GCNA: variants seen among roughly 807,000 people sequenced by gnomAD.
GCNA encodes the protein germ cell nuclear acidic peptidase, also known as germ cell nuclear acidic protein.
A neutral mutation model predicts 38.8 loss-of-function variants in GCNA; 3 were observed. The observed-to-expected ratio is 0.08, with a 90% CI of 0.04 to 0.20. GCNA has a LOEUF of 0.20. Among genes scored for constraint, GCNA ranks in the 10% least tolerant of loss-of-function variants. GCNA has a pLI of 1.00. For synonymous variants in GCNA, 195 were observed against 240.2 expected, an observed-to-expected ratio of 0.81 and a Z score of 1.74; for missense variants, 446 against 578.6, an observed-to-expected ratio of 0.77 and a Z score of 2.35.
chrX:71,612,452 T>C lies in GCNA; in HGVS notation c.1848T>C (p.Tyr616=). The C allele has an allele frequency of 8.3e-7, 1 of 1,209,364 alleles. No individual in the cohort carries two copies. Among genetic ancestry groups the C allele is most frequent in the Non-Finnish European group, 1.1e-6 (1 of 894,351 alleles). The part of the protein sequence containing the change: ...HDSHGDAWKY[Y]ARKSNRIHPE... ...CTCATGGTGACGCATGGAAGTATTA[T>C]GCCAGGAAATCCAACAGGATACACC... is the stretch of plus-strand genomic sequence containing the variant. The change falls in exon 12 of 13, where the codon TAT becomes TAC. Residue 616 remains tyrosine (Y), a synonymous_variant. Transcript: ENST00000373696.
intron 7 of GCNA, among the ~76,000 whole-genome samples, chrX:71,600,823 C>T (rs1210432210): frequency 2.7e-5 from 3 of 112,046 alleles, no homozygotes; most frequent in Non-Finnish European, 5.6e-5. Context: ...CTTTGTGTTA[C>T]AAGCAATCCA....
intron 1 of GCNA, among the ~76,000 whole-genome samples, chrX:71,578,972 C>T (rs1234536629): frequency 3.7e-3 from 102 of 27,864 alleles, no homozygotes; most frequent in Non-Finnish European, 5.1e-3. Flanking sequence ...GTGGCAGTGT[C>T]GGGGAAGTGG....
chrX:71,611,720 T>C (rs1011132234), intron 11 of GCNA, among the ~76,000 whole-genome samples: 1 of 111,216 alleles, frequency 9.0e-6, no homozygotes, highest in African/African-American at 3.3e-5. Context: ...TCCATCTCTG[T>C]TCCTGGAGGG....
At chrX:71,585,271 G>C (rs943156318) in intron 2 of GCNA, among the ~76,000 whole-genome samples, 1 of 109,479 alleles carries the variant, frequency 9.1e-6, no homozygotes, top group African/African-American at 3.3e-5. Context: ...TTGAGATCGC[G>C]CCATTGCACT....
intron 2 of GCNA, among the ~76,000 whole-genome samples, chrX:71,584,863 A>G (rs1016851252): frequency 9.0e-6 from 1 of 111,010 alleles, no homozygotes; most frequent in African/African-American, 3.3e-5. Context: ...GTGAGACTCC[A>G]TATCAAAATA....
At chrX:71,607,942 G>C (rs1311303356) in intron 9 of GCNA, among the ~76,000 whole-genome samples, 2 of 112,576 alleles carry the variant, frequency 1.8e-5, no homozygotes, top group Admixed American at 9.4e-5. Flanking sequence ...ACTTTGGCTA[G>C]AGTGTCAGTG....
chrX:71,610,955 C>T, intron 11 of GCNA, 136 bp downstream of exon 11: 1 of 859,458 alleles, frequency 1.2e-6, no homozygotes, highest in Non-Finnish European at 1.6e-6. Context: ...CTGTGTGTTG[C>T]TTAGAGGACA....
intron 9 of GCNA, among the ~76,000 whole-genome samples, chrX:71,608,426 T>C (rs766297198): frequency 2.0e-4 from 22 of 110,874 alleles, no homozygotes; most frequent in Admixed American, 4.8e-4. Flanking sequence ...GCGCCCACCA[T>C]CACGCCCAGC....
chrX:71,606,975 C>T lies in GCNA; in HGVS notation c.1466+1246C>T, dbSNP rs763352750. ...AGCACTTCCTGTGTCAGTCTGGAGG[C>T]TTCCTGTTATGCTTAGCATTGTTCC... On this transcript the variant is annotated intron_variant, in intron 9 of 12. Coordinates refer to ENST00000373696, the MANE Select transcript of GCNA (RefSeq NM_052957.5). Among the ~76,000 whole-genome samples the T allele has an allele frequency of 2.7e-5, 3 of 111,953 alleles. No individual in the cohort carries two copies. In the East Asian group the frequency reaches 8.4e-4, roughly 31 times the overall value.
chrX:71,600,815 TTGTGTTACAAG>T lies in GCNA; in HGVS notation c.311-2772_311-2762del, dbSNP rs2040707510. Among the ~76,000 whole-genome samples the T allele has an allele frequency of 2.7e-5, 3 of 112,278 alleles. No homozygotes were observed. In the South Asian group the frequency reaches 1.1e-3, roughly 41 times the overall value. ...ATCTGTCTTCTCAAGCATTTATCCT[TTGTGTTACAAG>T]CAATCCAGTTATACTCTTTTAATTA... is the stretch of plus-strand genomic sequence containing the variant. On this transcript the variant is annotated intron_variant, in intron 7 of 12. Transcript: ENST00000373696.
chrX:71,579,267 T>G (rs1602163841), intron 1 of GCNA, among the ~76,000 whole-genome samples: 3 of 68,038 alleles, frequency 4.4e-5, no homozygotes, highest in African/African-American at 1.2e-4. Flanking sequence ...AGTGGCAGCG[T>G]GGGGGGAGGT....
intron 4 of GCNA, among the ~76,000 whole-genome samples, chrX:71,593,459 C>A (rs945205208): frequency 3.6e-5 from 4 of 111,914 alleles, no homozygotes; most frequent in Non-Finnish European, 7.5e-5. Flanking sequence ...GGGTTCCGAG[C>A]AGGAAGTGCT....
intron 2 of GCNA, among the ~76,000 whole-genome samples, chrX:71,584,312 A>C (rs1007122991): frequency 9.0e-6 from 1 of 111,189 alleles, no homozygotes; most frequent in Non-Finnish European, 1.9e-5. Flanking sequence ...GTGCAGTGGC[A>C]TGATCATGAC....
chrX:71,585,208 G>A (rs1170914571), intron 2 of GCNA, among the ~76,000 whole-genome samples: 2 of 110,811 alleles, frequency 1.8e-5, no homozygotes, highest in South Asian at 3.9e-4. Context: ...CAGCTACTTG[G>A]GGGGTTAAGG....
intron 2 of GCNA, among the ~76,000 whole-genome samples, chrX:71,583,473 G>A (rs192976347): frequency 8.1e-5 from 9 of 110,548 alleles, no homozygotes; most frequent in Admixed American, 2.9e-4. Context: ...AAAAAAGCGG[G>A]GGGTGTGGAG....
rs775099874 is a variant in GCNA, at chrX:71,612,948, A to G, written c.2042A>G (p.Gln681Arg). 2 of 1,210,069 alleles carry G rather than the reference A, an allele frequency of 1.7e-6. No homozygotes were observed. Among genetic ancestry groups the G allele is most frequent in the African/African-American group, 3.5e-5 (2 of 57,185 alleles). ...TCTCTGGTCATGGTGCCATTAACTC[A>G]GAAAGATGGGACCCGTATTGTGCCC... ...KGSLVMVPLT[Q>R]KDGTRIVPHV Residue 681 changes from glutamine (Q) to arginine (R), a missense_variant, in exon 13 of 13, where the codon CAG becomes CGG. By Grantham distance (43) the Gln-to-Arg change is conservative. Around this residue, in one of 7 missense-constraint regions of GCNA, gnomAD observed 34 missense variants for 33.2 expected, o/e 1.02. Coordinates refer to ENST00000373696, the MANE Select transcript of GCNA (RefSeq NM_052957.5).
chrX:71,591,097 G>T (rs770344782), intron 2 of GCNA, among the ~76,000 whole-genome samples: 1 of 111,232 alleles, frequency 9.0e-6, no homozygotes, highest in Non-Finnish European at 1.9e-5. Context: ...ATAACAAGAT[G>T]ACCTATGATG....
chrX:71,578,806 G>T (rs1799543196), intron 1 of GCNA, among the ~76,000 whole-genome samples: 1 of 111,019 alleles, frequency 9.0e-6, no homozygotes, highest in Non-Finnish European at 1.9e-5. Flanking sequence ...AGGAGCAGCT[G>T]GTAGTGCCAG....
At chrX:71,605,808 G>T (rs1245020483) in intron 9 of GCNA, 79 bp downstream of exon 9, 2 of 899,339 alleles carry the variant, frequency 2.2e-6, no homozygotes, top group African/African-American at 4.0e-5. Flanking sequence ...GCACTTGGGT[G>T]GGGGTGGTCT....
Sources: gnomAD v4.1 joint callset for allele counts (sites outside exome capture counted in the v4.1 genomes callset) on GRCh38, gnomAD v4.1.1 for gene constraint, gnomAD v4.1.1 regional missense constraint, MANE v1.5 for transcripts, NCBI Gene and HGNC (gene_info 2026-07-23, HGNC 2026-07-21) for gene names.